PPP6C: variants seen among roughly 807,000 people sequenced by gnomAD.
PPP6C encodes protein phosphatase 6 catalytic subunit.
A neutral mutation model predicts 39.8 loss-of-function variants in PPP6C; 11 were observed. The observed-to-expected ratio is 0.28, with a 90% CI of 0.17 to 0.46. The LOEUF is 0.46. PPP6C is among the 20% of genes least tolerant of loss of function. PPP6C has a pLI of 1.00. For synonymous variants in PPP6C, 129 were observed against 130.3 expected, an observed-to-expected ratio of 0.99 and a Z score of 0.07; for missense variants, 211 against 373.9, an observed-to-expected ratio of 0.56 and a Z score of 3.59.
chr9:125,189,425 G>A, intron 1 of PPP6C: 2 of 1,295,850 alleles, frequency 1.5e-6, no homozygotes, highest in Non-Finnish European at 2.1e-6. Context: ...CAGAGGCCGC[G>A]ACATCCCTCG....
At chr9:125,152,781 G>C (rs895295872) in intron 6 of PPP6C, among the ~76,000 whole-genome samples, 16 of 151,500 alleles carry the variant, frequency 1.1e-4, no homozygotes, top group Admixed American at 5.3e-4. Context: ...AGTGAGCCGA[G>C]ATTGCACCAT....
Position 125,167,413 on chromosome 9 carries a change from G to T in PPP6C, c.171+3672C>A, listed in dbSNP as rs191987097. 1.8e-3 allele frequency among the ~76,000 whole-genome samples: 247 copies of T among 133,752 alleles called. 7 individuals are homozygous for T. In the East Asian group the frequency reaches 0.039, roughly 21 times the overall value. 87.7% of individuals were successfully genotyped at this position (133,752 alleles called of 152,430 possible). On this transcript the variant is annotated intron_variant, in intron 2 of 6. Coordinates refer to ENST00000373547, the MANE Select transcript of PPP6C (RefSeq NM_002721.5). ...AAAAAAAAAAAAGAAATAAAAAAAA[G>T]GCCGGGCATGGTGACTCACGCCTGT...
In PPP6C at chr9:125,174,910, T is replaced by TA. The variant is rs1350695828; in HGVS notation, c.76-3731dup. ...CTGGGCGACAGAGTGAGAACCTATCTAAAAAAAAGAAAAACAGGCCAGGTG... is the reference window on the plus strand; with the variant it reads ...CTGGGCGACAGAGTGAGAACCTATCTAAAAAAAAAGAAAAACAGGCCAGGTG... On this transcript the variant is annotated intron_variant, in intron 1 of 6. Coordinates refer to ENST00000373547, the MANE Select transcript of PPP6C (RefSeq NM_002721.5). Among the ~76,000 whole-genome samples, 9 of 138,220 alleles carry TA rather than the reference T, an allele frequency of 6.5e-5. No individual in the cohort carries two copies. The East Asian group carries it at 1.1e-3, about 17-fold the overall frequency. 90.7% of individuals were successfully genotyped at this position (138,220 alleles called of 152,430 possible).
chr9:125,171,478 C>CACACATATATAT (rs1171157245), intron 1 of PPP6C, among the ~76,000 whole-genome samples: 29 of 83,490 alleles, frequency 3.5e-4, no homozygotes, highest in African/African-American at 7.1e-4. Flanking sequence ...CACACACACA[C>CACACATATATAT]ATATATATAT....
intron 1 of PPP6C, among the ~76,000 whole-genome samples, chr9:125,178,453 T>C (rs898495539): frequency 1.3e-5 from 2 of 152,228 alleles, no homozygotes; most frequent in African/African-American, 2.4e-5. Context: ...TGTATCTTCT[T>C]TGATGAGGTG....
chr9:125,188,310 G>C (rs1026836909), intron 1 of PPP6C, among the ~76,000 whole-genome samples: 3 of 152,096 alleles, frequency 2.0e-5, no homozygotes, highest in Admixed American at 1.3e-4. Context: ...GCGTGAACCC[G>C]GGAGGCGGAG....
intron 1 of PPP6C, among the ~76,000 whole-genome samples, chr9:125,185,593 C>T (rs1829510175): frequency 6.6e-6 from 1 of 151,150 alleles, no homozygotes; most frequent in Admixed American, 6.6e-5. Flanking sequence ...ACTCAGGAGG[C>T]TGAGGCAGGA....
intron 1 of PPP6C, chr9:125,188,769 G>C (rs1185984412): frequency 4.4e-6 from 1 of 226,224 alleles, no homozygotes; most frequent in African/African-American, 2.6e-5. Context: ...GGGTGACAGA[G>C]TGAGACTCTA....
intron 2 of PPP6C, among the ~76,000 whole-genome samples, chr9:125,165,585 C>CA (rs1828995239): frequency 2.6e-5 from 4 of 152,108 alleles, no homozygotes; most frequent in African/African-American, 9.7e-5. Flanking sequence ...CCTCTGCACT[C>CA]AGTCTGTTGG....
rs1439852572 is a variant in PPP6C at position 125,147,121 on chromosome 9, T to C, written c.*2552A>G. The C allele has an allele frequency of 6.6e-6, 1 of 152,140 alleles. No homozygotes were observed. The highest frequency in any genetic ancestry group is 1.5e-5 in the Non-Finnish European group (1 of 68,032). The allele number at this position is 152,140 out of a possible 1,614,324, so 9.4% of individuals were successfully genotyped here. ...TTTTAGGATCACACTCAAATGAATA[T>C]AAAGTAGTGAAACTTTTTGGGGAAA... On this transcript the variant is annotated 3_prime_UTR_variant, in exon 7 of 7. Coordinates refer to ENST00000373547, the MANE Select transcript of PPP6C (RefSeq NM_002721.5).
At chr9:125,184,534 G>A (rs111229234) in intron 1 of PPP6C, among the ~76,000 whole-genome samples, 9 of 151,570 alleles carry the variant, frequency 5.9e-5, no homozygotes, top group African/African-American at 2.2e-4. Flanking sequence ...TCCACCCTGG[G>A]CAGCAGACTG....
rs144507717 is a variant in PPP6C at position 125,152,691 on chromosome 9, G to A, written c.669+842C>T. Among the ~76,000 whole-genome samples, 21 of 151,864 alleles carry A rather than the reference G, an allele frequency of 1.4e-4. No individual in the cohort carries two copies. The East Asian group carries it at 2.5e-3, about 18-fold the overall frequency. ...ACTAAAAATACAAAATTAGCCAGGC[G>A]TGGTGGTGTACACCTGTAATCCCAG... is the stretch of plus-strand genomic sequence containing the variant. On this transcript the variant is annotated intron_variant, in intron 6 of 6. Transcript: ENST00000373547.
intron 2 of PPP6C, among the ~76,000 whole-genome samples, chr9:125,165,821 G>A (rs1829001142): frequency 9.0e-6 from 1 of 110,562 alleles, no homozygotes; most frequent in African/African-American, 3.8e-5. Context: ...TTTGGAGACA[G>A]GATCTCTCCC....
chr9:125,168,727 G>A (rs761601647), intron 2 of PPP6C, among the ~76,000 whole-genome samples: 2 of 151,888 alleles, frequency 1.3e-5, no homozygotes, highest in Admixed American at 6.6e-5. Flanking sequence ...AAAGTGCTGG[G>A]ATTACAGGCA....
At position 125,158,191 on chromosome 9, in the gene PPP6C, A is replaced by G. The variant is rs775371374; in HGVS notation, c.379+50T>C. ...TATGACTTGTGTAGCTTTGTTTTCC[A>G]AAGAGGAAAGTAAAATAATATTCAG... On this transcript the variant is annotated intron_variant, in intron 4 of 6. Coordinates refer to ENST00000373547, the MANE Select transcript of PPP6C (RefSeq NM_002721.5). 4.6e-6 allele frequency: 7 copies of G among 1,531,902 alleles called. No individual in the cohort carries two copies. In the Admixed American group the frequency reaches 1.2e-4, roughly 27 times the overall value. 94.9% of individuals were successfully genotyped at this position (1,531,902 alleles called of 1,614,324 possible).
At chr9:125,171,243 C>CA in intron 1 of PPP6C, 63 bp from the exon 2 acceptor site, 1 of 1,314,432 alleles carries the variant, frequency 7.6e-7, no homozygotes, top group Admixed American at 2.4e-5. Flanking sequence ...GATAAAATAC[C>CA]AAAAAAGAAA....
At chr9:125,150,977 T>C (rs1386594961) in intron 6 of PPP6C, 4 of 1,326,628 alleles carry the variant, frequency 3.0e-6, no homozygotes, top group Non-Finnish European at 4.4e-6. Context: ...GCCAAGCTTG[T>C]TGCAAACATG....
chr9:125,146,856 A>G lies in PPP6C; in HGVS notation c.*2817T>C, dbSNP rs1261775087. 6.6e-6 allele frequency: 1 copy of G among 152,222 alleles called. No individual in the cohort carries two copies. Among genetic ancestry groups the G allele is most frequent in the Middle Eastern group, 3.2e-3 (1 of 316 alleles). 9.4% of individuals were successfully genotyped at this position (152,222 alleles called of 1,614,324 possible). A position where few individuals can be genotyped will look rare whatever the true frequency, so the allele number is the denominator to read the frequency against. On this transcript the variant is annotated 3_prime_UTR_variant, in exon 7 of 7. Coordinates refer to ENST00000373547, the MANE Select transcript of PPP6C (RefSeq NM_002721.5). The stretch of plus-strand genomic sequence containing the variant: ...ATGGAAAGTGATTCTATTTCTGACA[A>G]TGAAAGAGGCTCAGAAAGAGTCCTA...
intron 4 of PPP6C, among the ~76,000 whole-genome samples, chr9:125,156,362 C>T (rs1159591840): frequency 1.3e-5 from 2 of 152,172 alleles, no homozygotes; most frequent in Admixed American, 6.5e-5. Context: ...CAACCTCCAC[C>T]TCCCGGGTTC....
Sources: allele counts gnomAD v4.1 joint callset (sites outside exome capture counted in the v4.1 genomes callset), GRCh38; gene constraint gnomAD v4.1.1; transcripts MANE v1.5; gene names NCBI Gene and HGNC (gene_info 2026-07-23, HGNC 2026-07-21).